POSTN: variants seen among roughly 807,000 people sequenced by gnomAD.
POSTN encodes the protein osteoblast specific factor 2 (fasciclin I-like).
Under a neutral mutation model 104.5 loss-of-function variants are expected in POSTN, and 71 were observed. The observed-to-expected ratio is 0.68, with a 90% CI of 0.56 to 0.83. POSTN has a LOEUF of 0.83. Among genes scored for constraint, POSTN ranks in the 40% least tolerant of loss-of-function variants. The pLI is 0.00. For synonymous variants in POSTN, 355 were observed against 340.7 expected, an observed-to-expected ratio of 1.04 and a Z score of -0.46; for missense variants, 949 against 1,006.8, an observed-to-expected ratio of 0.94 and a Z score of 0.78.
chr13:37,586,176 GA>G lies in POSTN; in HGVS notation c.857del (p.Val286AlafsTer2). On this transcript the variant is annotated frameshift_variant, in exon 7 of 23. Transcript: ENST00000379747. LOFTEE classifies it high-confidence loss of function. ...CTTTGTCTCCCATGATCCTTTCTAGGACACCTCGTGGAAGTTTCTCAAAAGC... is the reference window on the plus strand; with the variant it reads ...CTTTGTCTCCCATGATCCTTTCTAGGCACCTCGTGGAAGTTTCTCAAAAGC... The part of the protein sequence containing the change: ...NEAFEKLPRG[V>X]LERIMGDKVA... 1 of 1,613,672 alleles carries G rather than the reference GA, an allele frequency of 6.2e-7. No homozygotes were observed. The highest frequency in any genetic ancestry group is 1.3e-5 in the African/African-American group (1 of 75,002).
rs560409544 is a variant in POSTN at position 37,597,426 on chromosome 13, T to G, written c.120-144A>C. ...TTCTAGCCTTGCACAAATCTAATTA[T>G]TGACACAATCCTACTGAATTGTTGA... On this transcript the variant is annotated intron_variant, in intron 1 of 22. Coordinates refer to ENST00000379747, the MANE Select transcript of POSTN (RefSeq NM_006475.3). 25 of 614,484 alleles carry G rather than the reference T, an allele frequency of 4.1e-5. No individual in the cohort carries two copies. The African/African-American group carries it at 4.3e-4, about 11-fold the overall frequency. 38.1% of individuals were successfully genotyped at this position (614,484 alleles called of 1,614,324 possible).
At chr13:37,582,247 T>C (rs1486618401) in intron 10 of POSTN, 119 bp downstream of exon 10, 1 of 1,183,410 alleles carries the variant, frequency 8.5e-7, no homozygotes, top group Non-Finnish European at 1.2e-6. Flanking sequence ...AGTTCCCTGA[T>C]GCTTCTATGA....
In POSTN at chr13:37,597,214, C is replaced by T. The variant is rs547738963; in HGVS notation, c.188G>A (p.Trp63Ter). The change falls in exon 2 of 23, where the codon TGG (tryptophan) becomes TAG (stop). Residue 63 changes from tryptophan to a stop codon, truncating the protein, a stop_gained. Transcript: ENST00000379747. LOFTEE classifies it high-confidence loss of function. ...KKKYFSTCKN[W>*]YKKSICGQKT... The stretch of plus-strand genomic sequence containing the variant: ...CTGTCCACAGATGGACTTTTTATAC[C>T]AGTTCTTACAAGTGCTGAAGTATTT... 2 of 1,574,714 alleles carry T rather than the reference C, an allele frequency of 1.3e-6. No individual in the cohort carries two copies. Among genetic ancestry groups the T allele is most frequent in the African/African-American group, 1.4e-5 (1 of 71,840 alleles).
At chr13:37,586,340 A>G in intron 6 of POSTN, 60 bp from the exon 7 acceptor site, 1 of 1,544,584 alleles carries the variant, frequency 6.5e-7, no homozygotes, top group East Asian at 2.3e-5. Flanking sequence ...AAAGATTGCA[A>G]CACACTTAGC....
At chr13:37,588,086 A>C in intron 4 of POSTN, 100 bp from the exon 5 acceptor site, 1 of 943,068 alleles carries the variant, frequency 1.1e-6, no homozygotes, top group Non-Finnish European at 1.6e-6. Context: ...TTCTCATTTC[A>C]TTATCAGATG....
intron 19 of POSTN, among the ~76,000 whole-genome samples, chr13:37,570,355 A>T (rs899250905): frequency 2.0e-5 from 3 of 151,854 alleles, no homozygotes; most frequent in African/African-American, 7.2e-5. Context: ...ATGTATGCAT[A>T]CATGTAATAA....
chr13:37,592,392 G>A (rs1204564582), intron 2 of POSTN, among the ~76,000 whole-genome samples: 1 of 151,948 alleles, frequency 6.6e-6, no homozygotes, highest in East Asian at 1.9e-4. Context: ...TCCGCCTCTC[G>A]GGTTCACGCC....
Position 37,569,799 on chromosome 13 carries a change from C to A in POSTN, c.2292G>T (p.Arg764Ser). The change falls in exon 20 of 23, where the codon AGG (arginine) becomes AGT (serine). Residue 764 changes from arginine to serine, a missense_variant. Arg to Ser is a moderately radical substitution (Grantham distance 110). Transcript: ENST00000379747. ...IITGPEIKYTRISTGGGETEE... is the reference protein window; with the variant it reads ...IITGPEIKYTSISTGGGETEE... ...CTGTTTCTCCACCTCCAGTAGAAAT[C>A]CTAGTGTATTTTATTTCAGGACCTA... is the stretch of plus-strand genomic sequence containing the variant. The A allele has an allele frequency of 1.2e-6, 2 of 1,604,380 alleles. No homozygotes were observed. The highest frequency in any genetic ancestry group is 1.7e-6 in the Non-Finnish European group (2 of 1,172,392).
At chr13:37,578,616 TG>T (rs1950483279) in intron 15 of POSTN, among the ~76,000 whole-genome samples, 1 of 151,522 alleles carries the variant, frequency 6.6e-6, no homozygotes, top group Non-Finnish European at 1.5e-5. Flanking sequence ...GCGAACACAG[TG>T]AAACCCCATC....
intron 17 of POSTN, 140 bp from the exon 18 acceptor site, chr13:37,571,598 A>G (rs1247918729): frequency 1.1e-5 from 6 of 563,932 alleles, no homozygotes; most frequent in Non-Finnish European, 1.8e-5. Context: ...TCACTTTTAA[A>G]TATTTCCCAT....
intron 2 of POSTN, among the ~76,000 whole-genome samples, chr13:37,592,986 G>A (rs917911276): frequency 4.5e-4 from 67 of 150,116 alleles, no homozygotes; most frequent in Non-Finnish European, 8.9e-5. Flanking sequence ...TTGAATTGTT[G>A]GTAGGATTAT....
intron 17 of POSTN, among the ~76,000 whole-genome samples, chr13:37,573,712 G>T (rs1262408395): frequency 6.6e-6 from 1 of 151,436 alleles, no homozygotes; most frequent in Non-Finnish European, 1.5e-5. Flanking sequence ...TAGCACAAAG[G>T]AGATAACTAG....
At chr13:37,584,186 C>A in intron 8 of POSTN, 83 bp from the exon 9 acceptor site, 1 of 1,510,634 alleles carries the variant, frequency 6.6e-7, no homozygotes, top group Admixed American at 1.8e-5. Context: ...ATTCCTGACT[C>A]TTTTCTAATA....
chr13:37,575,302 A>G (rs914439382), intron 16 of POSTN, among the ~76,000 whole-genome samples: 1 of 150,914 alleles, frequency 6.6e-6, no homozygotes, highest in Non-Finnish European at 1.5e-5. Context: ...ATTTAAAGGT[A>G]TATATTTTAA....
At chr13:37,588,138 CTAAT>C in intron 4 of POSTN, 152 bp from the exon 5 acceptor site, 1 of 665,946 alleles carries the variant, frequency 1.5e-6, no homozygotes, top group South Asian at 2.2e-5. Flanking sequence ...TTATATTATT[CTAAT>C]TGGTTAAGGG....
At position 37,590,402 on chromosome 13, in the gene POSTN, C is replaced by T. The variant is rs964378748; in HGVS notation, c.411G>A (p.Pro137=). 9 of 1,596,984 alleles carry T rather than the reference C, an allele frequency of 5.6e-6. No homozygotes were observed. Among genetic ancestry groups the T allele is most frequent in the South Asian group, 2.3e-5 (2 of 88,514 alleles). Residue 137 remains proline, a synonymous_variant, in exon 4 of 23, where the codon CCG becomes CCA. Coordinates refer to ENST00000379747, the MANE Select transcript of POSTN (RefSeq NM_006475.3). ...EGKGSFTYFA[P]SNEAWDNLDS... ...CCAAGTTGTCCCAAGCCTCATTACT[C>T]GGTGCAAAGTAAGTGAAGGATCCCT...
intron 19 of POSTN, 82 bp from the exon 20 acceptor site, chr13:37,569,903 A>G (rs1950216104): frequency 3.3e-6 from 3 of 903,574 alleles, no homozygotes; most frequent in Non-Finnish European, 5.3e-6. Context: ...AGTATTTTAC[A>G]CTTGTGGGCC....
intron 9 of POSTN, among the ~76,000 whole-genome samples, chr13:37,583,509 TGC>T (rs1950661095): frequency 6.9e-6 from 1 of 145,238 alleles, no homozygotes; most frequent in Non-Finnish European, 1.5e-5. Context: ...TGGTGCCATC[TGC>T]TTCCTGGGTT....
At chr13:37,585,071 T>C (rs1366920582) in intron 7 of POSTN, 143 bp from the exon 8 acceptor site, 1 of 1,391,870 alleles carries the variant, frequency 7.2e-7, no homozygotes, top group Non-Finnish European at 9.4e-7. Context: ...AAAATCCTAT[T>C]TATGTTCTAA....
Sources: gnomAD v4.1 joint callset for allele counts (sites outside exome capture counted in the v4.1 genomes callset) on GRCh38, gnomAD v4.1.1 for gene constraint, MANE v1.5 for transcripts, NCBI Gene and HGNC (gene_info 2026-07-23, HGNC 2026-07-21) for gene names.